TMC5: variants seen among roughly 807,000 people sequenced by gnomAD.
The protein encoded by TMC5 is transmembrane channel like 5.
In TMC5, 86 loss-of-function variants were observed where a neutral mutation model predicts 110.5. The observed-to-expected ratio is 0.78, with a 90% CI of 0.65 to 0.93. TMC5 has a LOEUF of 0.93. Ranked by LOEUF, TMC5 falls within the 40% of genes least tolerant of loss-of-function variation. The probability of loss-of-function intolerance (pLI) is 0.00; values close to 1 mark genes in which losing one functional copy is unlikely to be tolerated. For synonymous variants in TMC5, 455 were observed against 439.5 expected (o/e 1.04, Z -0.44); for missense variants, 1,144 against 1,222.8 (o/e 0.94, Z 0.96).
chr16:19,431,292 G>A (rs2353685), intron 2 of TMC5, among the ~76,000 whole-genome samples: 66,690 of 151,926 alleles, frequency 0.44, 17,413 homozygotes, highest in East Asian at 0.65. Flanking sequence ...TGTAATCCCA[G>A]CACTTTGGGA....
intron 3 of TMC5, among the ~76,000 whole-genome samples, chr16:19,442,738 A>G (rs1967518846): frequency 1.3e-5 from 2 of 152,212 alleles, no homozygotes; most frequent in Non-Finnish European, 2.9e-5. Flanking sequence ...TCTACTAGTA[A>G]TATTTATGAA....
At chr16:19,452,970 T>C (rs1030402688) in intron 5 of TMC5, among the ~76,000 whole-genome samples, 1 of 150,812 alleles carries the variant, frequency 6.6e-6, no homozygotes, top group African/African-American at 2.4e-5. Flanking sequence ...ATGGTAGTTA[T>C]GAGCCAGGAA....
At chr16:19,438,453 G>GAAAGAAAGAA (rs1211525745) in intron 2 of TMC5, among the ~76,000 whole-genome samples, 1 of 145,310 alleles carries the variant, frequency 6.9e-6, no homozygotes, top group Non-Finnish European at 1.5e-5. Context: ...AAGAAAGAAA[G>GAAAGAAAGAA]AAAGAAAACT....
At chr16:19,479,072 C>A (rs911783787) in intron 13 of TMC5, among the ~76,000 whole-genome samples, 1 of 152,170 alleles carries the variant, frequency 6.6e-6, no homozygotes, top group Non-Finnish European at 1.5e-5. Flanking sequence ...GCATTCTTAG[C>A]CATTGGCACT....
chr16:19,439,346 A>T (rs1967427038), intron 2 of TMC5, among the ~76,000 whole-genome samples: 1 of 152,168 alleles, frequency 6.6e-6, no homozygotes, highest in African/African-American at 2.4e-5. Flanking sequence ...CACTTATATT[A>T]ATTTATGCTT....
At chr16:19,413,737 G>A (rs1966863998), upstream of TMC5, among the ~76,000 whole-genome samples, 2 of 151,962 alleles carry the variant, frequency 1.3e-5, no homozygotes, top group Non-Finnish European at 2.9e-5. Context: ...CTGATATTGT[G>A]CTTAGTCCCA....
chr16:19,458,944 T>C (rs888993633), intron 5 of TMC5, among the ~76,000 whole-genome samples: 3 of 152,162 alleles, frequency 2.0e-5, no homozygotes, highest in Non-Finnish European at 4.4e-5. Context: ...CTGCCCCGCC[T>C]GCTGGCTTCT....
intron 10 of TMC5, among the ~76,000 whole-genome samples, chr16:19,470,515 CA>C (rs1488135886): frequency 6.6e-6 from 1 of 151,990 alleles, no homozygotes; most frequent in Non-Finnish European, 1.5e-5. Flanking sequence ...TCTGGCCCCT[CA>C]GGGGGACATT....
chr16:19,456,260 A>G (rs528144266), intron 5 of TMC5, among the ~76,000 whole-genome samples: 10,518 of 149,248 alleles, frequency 0.07, 791 homozygotes, highest in African/African-American at 0.19. Flanking sequence ...GTATATTTAG[A>G]ACATATATAT....
intron 2 of TMC5, among the ~76,000 whole-genome samples, chr16:19,435,685 C>T (rs539184509): frequency 6.6e-6 from 1 of 152,260 alleles, no homozygotes; most frequent in Admixed American, 6.5e-5. Flanking sequence ...CATCACTCAC[C>T]TCTTTCCTTC....
At chr16:19,433,333 C>A (rs947227354) in intron 2 of TMC5, among the ~76,000 whole-genome samples, 4 of 152,166 alleles carry the variant, frequency 2.6e-5, no homozygotes, top group African/African-American at 9.7e-5. Flanking sequence ...TAGAGGGTCT[C>A]ATTTTGGCTT....
chr16:19,480,576 G>A (rs1329967302), intron 14 of TMC5, among the ~76,000 whole-genome samples: 3 of 152,066 alleles, frequency 2.0e-5, no homozygotes, highest in Non-Finnish European at 2.9e-5. Context: ...AGGCCAAGGC[G>A]GGTGAATCAC....
intron 1 of TMC5, among the ~76,000 whole-genome samples, chr16:19,421,095 G>A (rs28633935): frequency 6.6e-6 from 1 of 152,092 alleles, no homozygotes; most frequent in Non-Finnish European, 1.5e-5. Context: ...TCGCAAGGTT[G>A]TGTCTGTCAG....
chr16:19,428,928 C>T (rs1410506962), intron 1 of TMC5, among the ~76,000 whole-genome samples: 8 of 152,148 alleles, frequency 5.3e-5, no homozygotes, highest in Non-Finnish European at 8.8e-5. Flanking sequence ...CAGGTTCAAG[C>T]AATTCCTGTG....
chr16:19,410,668 G>A (rs1434075541), upstream of TMC5: 4 of 152,330 alleles, frequency 2.6e-5, no homozygotes, highest in Non-Finnish European at 5.9e-5. Flanking sequence ...GATCGGCCCC[G>A]AGGCAGGAAG....
intron 1 of TMC5, among the ~76,000 whole-genome samples, chr16:19,428,254 T>C (rs926382809): frequency 3.9e-5 from 6 of 152,116 alleles, no homozygotes; most frequent in African/African-American, 1.4e-4. Context: ...ATTGGTGACT[T>C]GTGAAGATTA....
chr16:19,482,400 A>G (rs969886047), intron 15 of TMC5, among the ~76,000 whole-genome samples: 1 of 152,150 alleles, frequency 6.6e-6, no homozygotes, highest in Admixed American at 6.5e-5. Context: ...AGTTATAGTT[A>G]TAGCAGCCTG....
intron 2 of TMC5, among the ~76,000 whole-genome samples, chr16:19,438,423 AAAAG>A (rs1295018086): frequency 3.9e-4 from 15 of 38,146 alleles, no homozygotes; most frequent in Admixed American, 9.8e-4. Flanking sequence ...AAAGAAAAGA[AAAAG>A]AAAGAAAGAG....
At position 19,483,703 on chromosome 16, in the gene TMC5, G is replaced by A. The variant is rs1465068401; in HGVS notation, c.2363+2238G>A. Among the ~76,000 whole-genome samples, 5 of 152,022 alleles carry A rather than the reference G, an allele frequency of 3.3e-5. No homozygotes were observed. In the East Asian group the frequency reaches 9.7e-4, roughly 29 times the overall value. ...TGACACACAAGAATTGCTTGAACCTGGGAGGCAGAGGTTGCAGTGAGCCAA... is the reference window on the plus strand; with the variant it reads ...TGACACACAAGAATTGCTTGAACCTAGGAGGCAGAGGTTGCAGTGAGCCAA... On this transcript the variant is annotated intron_variant, in intron 15 of 21. Coordinates refer to ENST00000542583, the MANE Select transcript of TMC5 (RefSeq NM_001261841.2).
Sources: allele counts gnomAD v4.1 joint callset (sites outside exome capture counted in the v4.1 genomes callset), GRCh38; gene constraint gnomAD v4.1.1; transcripts MANE v1.5; gene names NCBI Gene and HGNC (gene_info 2026-07-23, HGNC 2026-07-21).